The following HS6ST3 variants were observed in gnomAD, a reference collection of about 807,000 sequenced individuals.
The protein encoded by HS6ST3 is heparan sulfate 6-O-sulfotransferase 3.
Under a neutral mutation model 36.7 loss-of-function variants are expected in HS6ST3, and 12 were observed. The ratio of observed to expected loss-of-function variants is 0.33; its 90% CI spans 0.21 to 0.53. The LOEUF (loss-of-function observed/expected upper bound fraction) is 0.53, where lower values mean the gene tolerates loss of function less well. HS6ST3 is among the 20% of genes least tolerant of loss of function. The pLI is 0.95. For missense variants in HS6ST3, 584 were observed against 640.9 expected (o/e 0.91, Z 0.96); for synonymous variants, 240 against 257.5 (o/e 0.93, Z 0.65).
intron 1 of HS6ST3, among the ~76,000 whole-genome samples, chr13:96,807,865 C>CA (rs59485746): frequency 0.28 from 23,782 of 86,058 alleles, 2,144 homozygotes; most frequent in Middle Eastern, 0.37. Context: ...GACTCCAACT[C>CA]AAAAAAAAAA....
At chr13:96,614,173 C>A (rs1314638136) in intron 1 of HS6ST3, among the ~76,000 whole-genome samples, 1 of 151,662 alleles carries the variant, frequency 6.6e-6, no homozygotes, top group Non-Finnish European at 1.5e-5. Flanking sequence ...TGATGGGCGC[C>A]TGTAGTCCCA....
intron 1 of HS6ST3, among the ~76,000 whole-genome samples, chr13:96,632,728 A>G (rs1240051851): frequency 3.3e-5 from 5 of 152,346 alleles, no homozygotes; most frequent in Admixed American, 1.3e-4. Flanking sequence ...AGTAACTTCC[A>G]TACTAAAAAT....
rs185309674 is a variant in HS6ST3 at position 96,605,069 on chromosome 13, A to G, written c.708-227421A>G. On this transcript the variant is annotated intron_variant, in intron 1 of 1. Coordinates refer to ENST00000376705, the MANE Select transcript of HS6ST3 (RefSeq NM_153456.4). ...CTAGGATTTCTACATCATTTACCAA[A>G]TTTTTTCTCTCCTGGTGGTTTTCCA... Among the ~76,000 whole-genome samples, 5 of 152,086 alleles carry G rather than the reference A, an allele frequency of 3.3e-5. No homozygotes were observed. In the East Asian group the frequency reaches 9.7e-4, roughly 29 times the overall value.
chr13:96,342,402 A>G (rs1298904005), intron 1 of HS6ST3, among the ~76,000 whole-genome samples: 7 of 152,184 alleles, frequency 4.6e-5, no homozygotes, highest in Non-Finnish European at 8.8e-5. Flanking sequence ...GCCTGGCTCA[A>G]TCATATGTGT....
At chr13:96,753,591 T>C (rs981618654) in intron 1 of HS6ST3, among the ~76,000 whole-genome samples, 4 of 152,200 alleles carry the variant, frequency 2.6e-5, no homozygotes, top group African/African-American at 9.6e-5. Context: ...TAATAATATC[T>C]CTGTTAATTA....
chr13:96,771,850 A>C (rs544818273), intron 1 of HS6ST3, among the ~76,000 whole-genome samples: 1 of 152,310 alleles, frequency 6.6e-6, no homozygotes, highest in Non-Finnish European at 1.5e-5. Flanking sequence ...GATGTAAAAG[A>C]TAAGATATGT....
At chr13:96,499,100 AC>A (rs150169561) in intron 1 of HS6ST3, among the ~76,000 whole-genome samples, 1 of 147,140 alleles carries the variant, frequency 6.8e-6, no homozygotes, top group Non-Finnish European at 1.5e-5. Flanking sequence ...ATCCCTGCTC[AC>A]TGCAACCTCT....
At chr13:96,790,237 T>A (rs944100050) in intron 1 of HS6ST3, among the ~76,000 whole-genome samples, 2 of 150,422 alleles carry the variant, frequency 1.3e-5, no homozygotes, top group Non-Finnish European at 3.0e-5. Flanking sequence ...TTTTTCAAAC[T>A]TTTTCTCCCA....
intron 1 of HS6ST3, among the ~76,000 whole-genome samples, chr13:96,524,009 G>A (rs563427764): frequency 6.6e-6 from 1 of 152,278 alleles, no homozygotes; most frequent in Admixed American, 6.5e-5. Context: ...TCTACCTTTG[G>A]TCTTTGATGT....
chr13:96,761,009 C>G (rs1306296162), intron 1 of HS6ST3, among the ~76,000 whole-genome samples: 1 of 152,054 alleles, frequency 6.6e-6, no homozygotes, highest in Non-Finnish European at 1.5e-5. Flanking sequence ...AATGCTCTTG[C>G]TAAAAAGACT....
intron 1 of HS6ST3, among the ~76,000 whole-genome samples, chr13:96,325,308 T>C (rs979051029): frequency 6.6e-6 from 1 of 152,206 alleles, no homozygotes; most frequent in African/African-American, 2.4e-5. Context: ...TTACACACAG[T>C]TGACCTTCTG....
intron 1 of HS6ST3, among the ~76,000 whole-genome samples, chr13:96,577,413 C>G (rs901378311): frequency 6.6e-6 from 1 of 152,098 alleles, no homozygotes; most frequent in African/African-American, 2.4e-5. Flanking sequence ...CCAGTCTATC[C>G]TTGATGTAGA....
intron 1 of HS6ST3, among the ~76,000 whole-genome samples, chr13:96,397,715 C>T (rs2055429257): frequency 6.6e-6 from 1 of 152,204 alleles, no homozygotes. Flanking sequence ...GTTCACTGCC[C>T]TTCCTGTACT....
At chr13:96,155,448 A>G (rs1439841001) in intron 1 of HS6ST3, among the ~76,000 whole-genome samples, 1 of 152,220 alleles carries the variant, frequency 6.6e-6, no homozygotes. Flanking sequence ...ATGCTTAAAT[A>G]GGTATTAATT....
intron 1 of HS6ST3, among the ~76,000 whole-genome samples, chr13:96,722,108 A>G (rs1303707742): frequency 6.6e-6 from 1 of 152,178 alleles, no homozygotes; most frequent in Non-Finnish European, 1.5e-5. Context: ...TCTACTAAAA[A>G]TACAAAAACT....
chr13:96,222,224 A>G (rs2054459170), intron 1 of HS6ST3, among the ~76,000 whole-genome samples: 2 of 152,224 alleles, frequency 1.3e-5, no homozygotes, highest in Admixed American at 1.3e-4. Flanking sequence ...CAGGGAATAA[A>G]TTGATTTTAT....
At chr13:96,640,494 AT>A (rs575893135) in intron 1 of HS6ST3, among the ~76,000 whole-genome samples, 13 of 151,764 alleles carry the variant, frequency 8.6e-5, no homozygotes, top group Admixed American at 2.0e-4. Context: ...GCTTGTGAAT[AT>A]TTTTTTCCCA....
chr13:96,155,557 T>G (rs1211912055), intron 1 of HS6ST3, among the ~76,000 whole-genome samples: 1 of 147,152 alleles, frequency 6.8e-6, no homozygotes, highest in Non-Finnish European at 1.5e-5. Flanking sequence ...TCTATGCTAT[T>G]CTGGTGAGTT....
intron 1 of HS6ST3, among the ~76,000 whole-genome samples, chr13:96,623,611 C>G (rs2056502558): frequency 1.3e-5 from 2 of 152,056 alleles, no homozygotes; most frequent in Admixed American, 1.3e-4. Context: ...TCCTGCCCCA[C>G]TTTCTTATAT....
Sources: allele counts gnomAD v4.1 joint callset (sites outside exome capture counted in the v4.1 genomes callset), GRCh38; gene constraint gnomAD v4.1.1; transcripts MANE v1.5; gene names NCBI Gene and HGNC (gene_info 2026-07-23, HGNC 2026-07-21).